The following DHX36 variants were observed in gnomAD, a reference collection of about 807,000 sequenced individuals.
DHX36 encodes the protein ATP-dependent DNA/RNA helicase DHX36.
DHX36 carries 50 observed loss-of-function variants against 139.0 expected under a neutral mutation model. That is an observed-to-expected ratio of 0.36 (90% CI 0.29 to 0.46). DHX36 has a LOEUF of 0.46. DHX36 is among the 20% of genes least tolerant of loss of function. The probability of loss-of-function intolerance (pLI) is 1.00; values close to 1 mark genes in which losing one functional copy is unlikely to be tolerated. For missense variants in DHX36, 1,024 were observed against 1,211.3 expected (o/e 0.85, Z 2.29); for synonymous variants, 425 against 401.9 (o/e 1.06, Z -0.69).
intron 1 of DHX36, among the ~76,000 whole-genome samples, chr3:154,323,546 C>T (rs988093362): frequency 1.3e-5 from 2 of 152,124 alleles, no homozygotes; most frequent in East Asian, 3.8e-4. Context: ...CTGACAATCA[C>T]CTGAAGAGAG....
At chr3:154,290,278 TAA>T (rs1391617889) in intron 15 of DHX36, among the ~76,000 whole-genome samples, 1 of 152,176 alleles carries the variant, frequency 6.6e-6, no homozygotes, top group East Asian at 1.9e-4. Context: ...AGAGGGATAT[TAA>T]AAGTTTCTGT....
chr3:154,272,842 C>T lies in DHX36; in HGVS notation c.*3329G>A, dbSNP rs1388098310. On this transcript the variant is annotated 3_prime_UTR_variant, in exon 25 of 25. Coordinates refer to ENST00000496811, the MANE Select transcript of DHX36 (RefSeq NM_020865.3). ...ACTATTTATTTTGGGTAAAGGAGTACTAAAATTCCTCCTAAAGCTTTTGTA... is the reference window on the plus strand; with the variant it reads ...ACTATTTATTTTGGGTAAAGGAGTATTAAAATTCCTCCTAAAGCTTTTGTA... 1.3e-5 allele frequency: 2 copies of T among 151,996 alleles called. No individual in the cohort carries two copies. The highest frequency in any genetic ancestry group is 4.8e-5 in the African/African-American group (2 of 41,428). 9.4% of individuals were successfully genotyped at this position (151,996 alleles called of 1,614,324 possible). A position where few individuals can be genotyped will look rare whatever the true frequency, so the allele number is the denominator to read the frequency against.
chr3:154,288,070 C>A (rs1320790715), intron 17 of DHX36, among the ~76,000 whole-genome samples: 2 of 149,860 alleles, frequency 1.3e-5, no homozygotes, highest in Non-Finnish European at 1.5e-5. Flanking sequence ...TACCTTATAA[C>A]CCAGGACGTG....
In DHX36 at chr3:154,275,701, G is replaced by A. The variant is rs1719126266; in HGVS notation, c.*470C>T. On this transcript the variant is annotated 3_prime_UTR_variant, in exon 25 of 25. Coordinates refer to ENST00000496811, the MANE Select transcript of DHX36 (RefSeq NM_020865.3). The stretch of plus-strand genomic sequence containing the variant: ...AACATTGTACATTTTATTAAATACT[G>A]GACTTTATTACAACAAATTAATTTA... The A allele has an allele frequency of 6.6e-6, 1 of 152,562 alleles. No homozygotes were observed. Among genetic ancestry groups the A allele is most frequent in the Non-Finnish European group, 1.5e-5 (1 of 68,036 alleles). The allele number at this position is 152,562 out of a possible 1,614,324, so 9.5% of individuals were successfully genotyped here.
At chr3:154,279,457 T>C (rs1719262716) in intron 22 of DHX36, 1 of 152,138 alleles carries the variant, frequency 6.6e-6, no homozygotes, top group Non-Finnish European at 1.5e-5. Context: ...ACCTGTAAAG[T>C]TAGGTACACA....
chr3:154,293,434 C>A (rs919117887), intron 14 of DHX36, among the ~76,000 whole-genome samples: 1 of 152,002 alleles, frequency 6.6e-6, no homozygotes, highest in African/African-American at 2.4e-5. Flanking sequence ...TTTAAAAAAT[C>A]AGACAGGTGT....
Position 154,303,372 on chromosome 3 carries a change from G to T in DHX36, c.1174C>A (p.Pro392Thr), listed in dbSNP as rs1483245039. The T allele has an allele frequency of 1.9e-6, 3 of 1,607,028 alleles. No individual in the cohort carries two copies. Among genetic ancestry groups the T allele is most frequent in the Admixed American group, 1.7e-5 (1 of 59,136 alleles). The stretch of plus-strand genomic sequence containing the variant: ...TCTTCCAAAAGATATTCCACAACCG[G>T]AAAGGTAAAACCAGGTATATGTATC... ...PMIHIPGFTFPVVEYLLEDVI... is the reference protein window; with the variant it reads ...PMIHIPGFTFTVVEYLLEDVI... Residue 392 changes from proline (P) to threonine (T), a missense_variant, in exon 9 of 25, where the codon CCG (proline) becomes ACG (threonine). Transcript: ENST00000496811.
At chr3:154,293,581 C>G (rs753772957) in intron 14 of DHX36, among the ~76,000 whole-genome samples, 167 bp downstream of exon 14, 1 of 150,868 alleles carries the variant, frequency 6.6e-6, no homozygotes, top group Non-Finnish European at 1.5e-5. Flanking sequence ...GACCTTGTCT[C>G]AAAAAAGCCC....
chr3:154,302,673 C>T (rs985675246), intron 9 of DHX36, among the ~76,000 whole-genome samples: 4 of 152,068 alleles, frequency 2.6e-5, no homozygotes, highest in African/African-American at 7.2e-5. Context: ...TTTAAAGGTT[C>T]GGCAATGGAA....
At chr3:154,323,892 T>A (rs1256630177) in intron 1 of DHX36, among the ~76,000 whole-genome samples, 3 of 152,242 alleles carry the variant, frequency 2.0e-5, no homozygotes, top group Non-Finnish European at 4.4e-5. Context: ...TAATTTCGGT[T>A]GGAACGTGAA....
chr3:154,293,617 C>G, intron 14 of DHX36, 131 bp downstream of exon 14: 2 of 623,666 alleles, frequency 3.2e-6, no homozygotes, highest in Non-Finnish European at 5.4e-6. Flanking sequence ...ATGCTCACTG[C>G]CATAAAAAAG....
At chr3:154,279,566 C>T (rs955486636) in intron 22 of DHX36, 2 of 152,138 alleles carry the variant, frequency 1.3e-5, no homozygotes, top group Non-Finnish European at 2.9e-5. Context: ...TCATCAGCTA[C>T]CCATTACTTT....
intron 22 of DHX36, 109 bp downstream of exon 22, chr3:154,280,470 C>T: frequency 1.3e-6 from 1 of 764,320 alleles, no homozygotes; most frequent in Non-Finnish European, 2.1e-6. Flanking sequence ...AAGAATATAA[C>T]CCACATATGA....
Position 154,312,897 on chromosome 3 carries a change from AT to A in DHX36, c.604-1224del, listed in dbSNP as rs1471074843. On this transcript the variant is annotated intron_variant, in intron 3 of 24. Coordinates refer to ENST00000496811, the MANE Select transcript of DHX36 (RefSeq NM_020865.3). ...TATATATATATATATATATATATATATATAAAATAAATAAAGAACTGTCTTT... is the reference window on the plus strand; with the variant it reads ...TATATATATATATATATATATATATAATAAAATAAATAAAGAACTGTCTTT... Among the ~76,000 whole-genome samples the A allele has an allele frequency of 6.2e-4, 69 of 111,108 alleles. 2 individuals are homozygous for A. Among genetic ancestry groups the A allele is most frequent in the East Asian group, 4.3e-3 (15 of 3,492 alleles). The allele number at this position is 111,108 out of a possible 152,430, so 72.9% of individuals were successfully genotyped here.
chr3:154,299,120 A>G (rs550429615), intron 12 of DHX36, among the ~76,000 whole-genome samples: 3 of 151,896 alleles, frequency 2.0e-5, no homozygotes, highest in South Asian at 2.1e-4. Context: ...AAAAATGCAG[A>G]AAGTCAGCCG....
intron 5 of DHX36, among the ~76,000 whole-genome samples, chr3:154,309,188 A>C (rs1712637227): frequency 6.6e-6 from 1 of 152,224 alleles, no homozygotes; most frequent in Non-Finnish European, 1.5e-5. Flanking sequence ...ACCCTGTCTC[A>C]AAAAATAAAT....
At chr3:154,282,182 C>T (rs1438262672) in intron 20 of DHX36, among the ~76,000 whole-genome samples, 1 of 152,120 alleles carries the variant, frequency 6.6e-6, no homozygotes, top group Non-Finnish European at 1.5e-5. Context: ...TTCAATTACA[C>T]AGGATTTGTA....
intron 12 of DHX36, among the ~76,000 whole-genome samples, chr3:154,296,807 T>C (rs1712064459): frequency 6.6e-6 from 1 of 152,170 alleles, no homozygotes. Context: ...ACTCTGACTG[T>C]GAAGAGATTT....
At position 154,284,688 on chromosome 3, in the gene DHX36, A is replaced by G. The variant is rs897788702; in HGVS notation, c.2206-19T>C. The G allele has an allele frequency of 6.2e-7, 1 of 1,602,846 alleles. No individual in the cohort carries two copies. The highest frequency in any genetic ancestry group is 8.5e-7 in the Non-Finnish European group (1 of 1,174,138). ...CTTTTCCCTTAAAAATAGCAGACAT[A>G]GCCAATTTAAATTGCTCTGATGCTA... is the stretch of plus-strand genomic sequence containing the variant. On this transcript the variant is annotated intron_variant, in intron 18 of 24. Transcript: ENST00000496811.
Sources: gnomAD v4.1 joint callset for allele counts (sites outside exome capture counted in the v4.1 genomes callset) on GRCh38, gnomAD v4.1.1 for gene constraint, MANE v1.5 for transcripts, NCBI Gene and HGNC (gene_info 2026-07-23, HGNC 2026-07-21) for gene names.